The following CERT1 variants were observed in gnomAD, a reference collection of about 807,000 sequenced individuals.
CERT1 encodes ceramide transfer protein.
A neutral mutation model predicts 87.9 loss-of-function variants in CERT1; 31 were observed. The ratio of observed to expected loss-of-function variants is 0.35; its 90% confidence interval spans 0.27 to 0.48. The LOEUF (loss-of-function observed/expected upper bound fraction) is 0.48, where lower values mean the gene tolerates loss of function less well. Ranked by LOEUF, CERT1 falls within the 20% of genes least tolerant of loss-of-function variation. The pLI is 0.99. For missense variants in CERT1, 487 were observed against 758.0 expected (o/e 0.64, Z 4.20); for synonymous variants, 289 against 250.9 (o/e 1.15, Z -1.44).
At chr5:75,474,958 G>C (rs914558391) in intron 2 of CERT1, among the ~76,000 whole-genome samples, 7 of 151,658 alleles carry the variant, frequency 4.6e-5, no homozygotes, top group Middle Eastern at 6.8e-3. Context: ...TCATCCACTG[G>C]GCAGGCTAAT....
At chr5:75,422,933 G>A (rs550981866) in intron 5 of CERT1, among the ~76,000 whole-genome samples, 5 of 152,282 alleles carry the variant, frequency 3.3e-5, no homozygotes, top group South Asian at 2.1e-4. Context: ...GGAGAGAGGC[G>A]TGGAACAGGT....
chr5:75,479,585 C>T (rs1254811739), intron 2 of CERT1, among the ~76,000 whole-genome samples: 1 of 152,130 alleles, frequency 6.6e-6, no homozygotes, highest in African/African-American at 2.4e-5. Flanking sequence ...TAATAGTCTC[C>T]AGCTCCATCC....
At chr5:75,482,333 G>C (rs1766284864) in intron 2 of CERT1, among the ~76,000 whole-genome samples, 1 of 152,164 alleles carries the variant, frequency 6.6e-6, no homozygotes, top group Admixed American at 6.5e-5. Context: ...CATGAGGAAA[G>C]GTAAGAGAAG....
At position 75,385,996 on chromosome 5, in the gene CERT1, C is replaced by A. The variant is rs775705710; in HGVS notation, c.1323G>T (p.Leu441=). 6.3e-7 allele frequency: 1 copy of A among 1,586,140 alleles called. No homozygotes were observed. The highest frequency in any genetic ancestry group is 1.8e-5 in the Admixed American group (1 of 56,902). ...CTGCATGGGTAGCTTTTAAAGGATC[C>A]AGAACAATCCCATTTTCTTCTACTT... ...RREVEENGIV[L]DPLKATHAVK... is the part of the protein sequence containing the mutation. Residue 441 remains leucine, a synonymous_variant, in exon 13 of 17, where the codon CTG becomes CTT. Transcript: ENST00000643780.
At chr5:75,458,413 T>C (rs1372363663) in intron 3 of CERT1, among the ~76,000 whole-genome samples, 1 of 152,244 alleles carries the variant, frequency 6.6e-6, no homozygotes, top group South Asian at 2.1e-4. Flanking sequence ...GTTGGGGTTT[T>C]ATAATCCAAT....
At chr5:75,462,470 G>A (rs1368023649) in intron 2 of CERT1, among the ~76,000 whole-genome samples, 1 of 152,212 alleles carries the variant, frequency 6.6e-6, no homozygotes, top group African/African-American at 2.4e-5. Context: ...AGGAGGCAGA[G>A]CTCAGGAGGT....
chr5:75,379,504 A>C (rs1440579326), intron 16 of CERT1, 31 bp from the exon 17 acceptor site: 5 of 1,592,624 alleles, frequency 3.1e-6, no homozygotes, highest in Non-Finnish European at 4.3e-6. Context: ...AAAATGTATT[A>C]AGATACAATT....
intron 17 of CERT1, chr5:75,370,789 T>G (rs900325547): frequency 1.3e-5 from 2 of 151,860 alleles, no homozygotes; most frequent in Non-Finnish European, 2.9e-5. Flanking sequence ...CTGTCTCTAC[T>G]AAAAATACAA....
At chr5:75,505,941 CT>C (rs1281290534) in intron 2 of CERT1, 40 bp downstream of exon 2, 1 of 1,527,580 alleles carries the variant, frequency 6.5e-7, no homozygotes, top group African/African-American at 1.4e-5. Context: ...GTAGCTGACA[CT>C]CAATAAATAT....
chr5:75,462,752 T>G (rs1401072555), intron 2 of CERT1, among the ~76,000 whole-genome samples: 1 of 152,006 alleles, frequency 6.6e-6, no homozygotes, highest in East Asian at 1.9e-4. Flanking sequence ...CCCAGCACTT[T>G]GGGAGGCGAG....
intron 1 of CERT1, 135 bp from the exon 2 acceptor site, chr5:75,506,251 A>G: frequency 6.1e-6 from 4 of 659,472 alleles, no homozygotes; most frequent in Non-Finnish European, 7.2e-6. Context: ...AAGCATAAAC[A>G]GTAAAATGAT....
At chr5:75,387,602 C>T (rs188932117) in intron 12 of CERT1, among the ~76,000 whole-genome samples, 151 of 151,996 alleles carry the variant, frequency 9.9e-4, no homozygotes, top group African/African-American at 3.4e-3. Flanking sequence ...ATTAACCCAG[C>T]GTAGTGGCGG....
chr5:75,491,799 T>C (rs1400062940), intron 2 of CERT1, among the ~76,000 whole-genome samples: 2 of 152,174 alleles, frequency 1.3e-5, no homozygotes, highest in Non-Finnish European at 2.9e-5. Context: ...TTTAGGGAGA[T>C]AACATTTTGG....
intron 8 of CERT1, among the ~76,000 whole-genome samples, chr5:75,404,655 G>T (rs1762633933): frequency 6.6e-6 from 1 of 152,024 alleles, no homozygotes; most frequent in East Asian, 1.9e-4. Flanking sequence ...AGTACATGTG[G>T]ATTTCTAGTC....
chr5:75,498,520 G>A (rs992029667), intron 2 of CERT1, among the ~76,000 whole-genome samples: 4 of 152,178 alleles, frequency 2.6e-5, no homozygotes, highest in Admixed American at 6.5e-5. Context: ...GGCTAAAAGG[G>A]GTCAAGGCCA....
intron 8 of CERT1, chr5:75,410,620 A>AT (rs1762896219): frequency 6.6e-6 from 1 of 151,586 alleles, no homozygotes; most frequent in Non-Finnish European, 1.5e-5. Flanking sequence ...AAAAAAAAAA[A>AT]AAAGATCTCA....
chr5:75,506,217 A>C (rs984918110), intron 1 of CERT1, 101 bp from the exon 2 acceptor site: 2 of 1,115,778 alleles, frequency 1.8e-6, no homozygotes, highest in Admixed American at 2.5e-5. Context: ...TAAAACCAAA[A>C]CGTGAAAAGT....
intron 5 of CERT1, among the ~76,000 whole-genome samples, chr5:75,421,321 T>C (rs997182944): frequency 1.3e-5 from 2 of 152,228 alleles, no homozygotes; most frequent in Admixed American, 6.5e-5. Context: ...GGAATCACCA[T>C]GGAAAATCTT....
chr5:75,402,911 C>A, intron 9 of CERT1, 61 bp downstream of exon 9: 2 of 976,860 alleles, frequency 2.0e-6, no homozygotes, highest in Non-Finnish European at 3.3e-6. Flanking sequence ...ATAATATACA[C>A]CAAGGAATGC....
Sources: allele counts gnomAD v4.1 joint callset (sites outside exome capture counted in the v4.1 genomes callset), GRCh38; gene constraint gnomAD v4.1.1; transcripts MANE v1.5; gene names NCBI Gene and HGNC (gene_info 2026-07-23, HGNC 2026-07-21).